The following MDN1 variants were observed in gnomAD, a reference collection of about 807,000 sequenced individuals.
MDN1 encodes midasin.
In MDN1, 266 loss-of-function variants were observed where a neutral mutation model predicts 669.2. The ratio of observed to expected loss-of-function variants is 0.40; its 90% CI spans 0.36 to 0.44. MDN1 has a LOEUF of 0.44. Among genes scored for constraint, MDN1 ranks in the 20% least tolerant of loss-of-function variants. The pLI is 1.00. For synonymous variants in MDN1, 2,385 were observed against 2,457.1 expected, an observed-to-expected ratio of 0.97 and a Z score of 0.87; for missense variants, 5,940 against 6,754.0, an observed-to-expected ratio of 0.88 and a Z score of 4.22.
chr6:89,767,096 T>C (rs1278638850), intron 15 of MDN1, among the ~76,000 whole-genome samples: 1 of 152,186 alleles, frequency 6.6e-6, no homozygotes, highest in East Asian at 1.9e-4. Flanking sequence ...GGAGTGATTT[T>C]ATCTGCCACA....
At chr6:89,798,344 C>T (rs900566410) in intron 2 of MDN1, among the ~76,000 whole-genome samples, 1 of 151,886 alleles carries the variant, frequency 6.6e-6, no homozygotes, top group Non-Finnish European at 1.5e-5. Context: ...GAAACCCCGT[C>T]TCTACTAAAA....
At chr6:89,793,620 T>A in intron 5 of MDN1, 142 bp downstream of exon 5, 1 of 608,432 alleles carries the variant, frequency 1.6e-6, no homozygotes, top group Admixed American at 3.5e-5. Flanking sequence ...AAGATGAATT[T>A]CTTTTTAACT....
intron 6 of MDN1, 92 bp from the exon 7 acceptor site, chr6:89,790,003 G>A (rs1819166205): frequency 1.9e-6 from 3 of 1,582,310 alleles, no homozygotes; most frequent in Non-Finnish European, 2.6e-6. Flanking sequence ...CTATAGGTAG[G>A]TGTAAGTAAG....
intron 73 of MDN1, among the ~76,000 whole-genome samples, chr6:89,682,699 T>TAAAAAAAAAAAAAAAAAAA (rs143107841): frequency 5.2e-5 from 5 of 96,856 alleles, no homozygotes; most frequent in Admixed American, 1.1e-4. Flanking sequence ...GACTCTGTCT[T>TAAAAAAAAAAAAAAAAAAA]AAAAAAAAAA....
intron 95 of MDN1, among the ~76,000 whole-genome samples, chr6:89,651,152 CAAA>C (rs1472652093): frequency 9.8e-6 from 1 of 102,330 alleles, no homozygotes. Flanking sequence ...CCTGTCTCTA[CAAA>C]AAAAAAAAAA....
chr6:89,704,706 G>A (rs1048763226), intron 53 of MDN1, among the ~76,000 whole-genome samples: 2 of 151,954 alleles, frequency 1.3e-5, no homozygotes, highest in African/African-American at 2.4e-5. Flanking sequence ...CCTGCCTCTC[G>A]AGTAGCTGGG....
At chr6:89,758,227 G>A in intron 19 of MDN1, 28 bp downstream of exon 19, 2 of 1,562,814 alleles carry the variant, frequency 1.3e-6, no homozygotes, top group Non-Finnish European at 1.8e-6. Context: ...TTGCAAAAAA[G>A]GAAAGTCTCC....
intron 20 of MDN1, among the ~76,000 whole-genome samples, chr6:89,755,099 T>A (rs1296948614): frequency 6.6e-6 from 1 of 152,152 alleles, no homozygotes; most frequent in East Asian, 1.9e-4. Flanking sequence ...CTTATAAAAG[T>A]TTACCTTTAG....
At chr6:89,737,967 G>A (rs548179936) in intron 33 of MDN1, among the ~76,000 whole-genome samples, 66 of 152,052 alleles carry the variant, frequency 4.3e-4, no homozygotes, top group African/African-American at 1.5e-3. Flanking sequence ...CAAGTGATCC[G>A]CCCACCTTGG....
At chr6:89,737,912 T>C (rs778928614) in intron 33 of MDN1, among the ~76,000 whole-genome samples, 26 of 151,994 alleles carry the variant, frequency 1.7e-4, no homozygotes, top group Non-Finnish European at 3.5e-4. Flanking sequence ...TTAGTAGAGA[T>C]GGGTTTTCGC....
intron 88 of MDN1, 39 bp downstream of exon 88, chr6:89,661,391 TG>T: frequency 1.3e-6 from 2 of 1,592,782 alleles, no homozygotes; most frequent in Non-Finnish European, 1.7e-6. Flanking sequence ...TGTTCACTAA[TG>T]TGAGTTCTAA....
At position 89,793,761 on chromosome 6, in the gene MDN1, C is replaced by T. The variant is rs1562225627; in HGVS notation, c.855+1G>A. 3 of 1,612,672 alleles carry T rather than the reference C, an allele frequency of 1.9e-6. No individual in the cohort carries two copies. Among genetic ancestry groups the T allele is most frequent in the Non-Finnish European group, 1.7e-6 (2 of 1,179,284 alleles). On this transcript the variant is annotated splice_donor_variant, in intron 5 of 101. Coordinates refer to ENST00000369393, the MANE Select transcript of MDN1 (RefSeq NM_014611.3). LOFTEE classifies it high-confidence loss of function. ...CACACCCCCTACTGATACCAACATA[C>T]CAGCTCTCCAGGGGCTGGCAGCTGC...
intron 37 of MDN1, among the ~76,000 whole-genome samples, chr6:89,725,930 TAC>T (rs71024397): frequency 0.024 from 3,597 of 147,490 alleles, 59 homozygotes; most frequent in African/African-American, 0.033. Flanking sequence ...TGGTATTTTA[TAC>T]ACACACACAC....
chr6:89,731,895 C>T (rs528114593), intron 34 of MDN1, among the ~76,000 whole-genome samples: 6 of 148,268 alleles, frequency 4.0e-5, no homozygotes, highest in South Asian at 2.2e-4. Context: ...GCTCACATTC[C>T]TTTCCTTATT....
In MDN1 at chr6:89,762,402, T is replaced by C. The variant is rs770754576; in HGVS notation, c.2273A>G (p.Gln758Arg). 16 of 1,614,070 alleles carry C rather than the reference T, an allele frequency of 9.9e-6. No homozygotes were observed. Among genetic ancestry groups the C allele is most frequent in the Non-Finnish European group, 1.3e-5 (15 of 1,180,018 alleles). ...TCTCAGGAGATCATGCCACCGTTTCTGTCTGTAACAGGTCTGAATGTGCCC... is the reference window on the plus strand; with the variant it reads ...TCTCAGGAGATCATGCCACCGTTTCCGTCTGTAACAGGTCTGAATGTGCCC... ...FLGHIQTCYR[Q>R]KRWHDLLRLM... The change falls in exon 16 of 102, where the codon CAG becomes CGG. Residue 758 changes from glutamine (Q) to arginine (R), a missense_variant. Coordinates refer to ENST00000369393, the MANE Select transcript of MDN1 (RefSeq NM_014611.3).
At chr6:89,813,870 G>A (rs906027312) in intron 1 of MDN1, among the ~76,000 whole-genome samples, 1 of 151,348 alleles carries the variant, frequency 6.6e-6, no homozygotes, top group Non-Finnish European at 1.5e-5. Flanking sequence ...CTTGAGCCCA[G>A]GAGTTTGAGA....
At chr6:89,731,411 A>G (rs1178603176) in intron 34 of MDN1, among the ~76,000 whole-genome samples, 3 of 152,204 alleles carry the variant, frequency 2.0e-5, no homozygotes, top group Admixed American at 6.5e-5. Flanking sequence ...GCACATATAC[A>G]GCATGGAATA....
At position 89,733,175 on chromosome 6, in the gene MDN1, C is replaced by T. The variant is rs1356810670; in HGVS notation, c.4724-400G>A. Among the ~76,000 whole-genome samples the T allele has an allele frequency of 2.0e-5, 3 of 151,606 alleles. No homozygotes were observed. The East Asian group carries it at 5.8e-4, about 29-fold the overall frequency. On this transcript the variant is annotated intron_variant, in intron 33 of 101. Coordinates refer to ENST00000369393, the MANE Select transcript of MDN1 (RefSeq NM_014611.3). Reference sequence around the variant, plus strand: ...GTATTTTAAATAAATTTATTTTTTCCATTTAATGCAATAAAGAATGTCATC... The same window carrying T: ...GTATTTTAAATAAATTTATTTTTTCTATTTAATGCAATAAAGAATGTCATC...
At chr6:89,792,537 C>G (rs1452683019) in intron 5 of MDN1, among the ~76,000 whole-genome samples, 2 of 151,822 alleles carry the variant, frequency 1.3e-5, no homozygotes, top group South Asian at 4.2e-4. Context: ...GGGAAGGGGA[C>G]GGGTCTTCAC....
Sources: gnomAD v4.1 joint callset for allele counts (sites outside exome capture counted in the v4.1 genomes callset) on GRCh38, gnomAD v4.1.1 for gene constraint, MANE v1.5 for transcripts, NCBI Gene and HGNC (gene_info 2026-07-23, HGNC 2026-07-21) for gene names.